Variants in CHN2 observed in about 807,000 individuals in gnomAD.
The protein encoded by CHN2 is beta-chimaerin.
A neutral mutation model predicts 56.3 loss-of-function variants in CHN2; 35 were observed. The ratio of observed to expected loss-of-function variants is 0.62; its 90% CI spans 0.47 to 0.82. The LOEUF (loss-of-function observed/expected upper bound fraction) is 0.82. Among genes scored for constraint, CHN2 ranks in the 40% least tolerant of loss-of-function variants. The probability of loss-of-function intolerance (pLI) is 0.00; values close to 1 mark genes in which losing one functional copy is unlikely to be tolerated. For synonymous variants in CHN2, 210 were observed against 212.8 expected (o/e 0.99, Z 0.12); for missense variants, 491 against 580.5 (o/e 0.85, Z 1.58).
rs1791394929 is a variant in CHN2 at position 29,511,518 on chromosome 7, AG to A, written c.1236-1045del. ...CCAGCCATCTTGTTTAGTCAGGCAT[AG>A]TGCCTGACTTAAGAGGAAACTGTGG... On this transcript the variant is annotated intron_variant, in intron 12 of 12. Transcript: ENST00000222792. Among the ~76,000 whole-genome samples the A allele has an allele frequency of 5.3e-5, 8 of 152,300 alleles. 1 individual carries two copies. In the South Asian group the frequency reaches 1.7e-3, roughly 32 times the overall value.
chr7:29,394,046 T>A (rs1204985997), intron 4 of CHN2, among the ~76,000 whole-genome samples: 1 of 152,122 alleles, frequency 6.6e-6, no homozygotes, highest in Non-Finnish European at 1.5e-5. Context: ...CTCAACACAA[T>A]AGAAACGTTT....
At chr7:29,241,933 A>G (rs1449865031) in intron 1 of CHN2, among the ~76,000 whole-genome samples, 1 of 152,218 alleles carries the variant, frequency 6.6e-6, no homozygotes, top group Non-Finnish European at 1.5e-5. Flanking sequence ...AGAAAGTTTG[A>G]TGTAATCTTC....
chr7:29,428,531 T>C (rs1245726519), intron 6 of CHN2, among the ~76,000 whole-genome samples: 3 of 152,166 alleles, frequency 2.0e-5, no homozygotes, highest in African/African-American at 7.2e-5. Context: ...AAGGCCCTCC[T>C]TTTCCAACTG....
intron 3 of CHN2, among the ~76,000 whole-genome samples, chr7:29,381,296 C>T (rs1474823373): frequency 6.6e-6 from 1 of 152,118 alleles, no homozygotes; most frequent in Non-Finnish European, 1.5e-5. Flanking sequence ...GGACCTGTGG[C>T]TCCAGGATGC....
At chr7:29,397,728 C>T (rs1317327775) in intron 4 of CHN2, 1 of 152,286 alleles carries the variant, frequency 6.6e-6, no homozygotes, top group Non-Finnish European at 1.5e-5. Flanking sequence ...GGCCAGCACA[C>T]AACCCTCCCG....
chr7:29,224,478 G>A (rs1786044729), intron 1 of CHN2, among the ~76,000 whole-genome samples: 1 of 152,096 alleles, frequency 6.6e-6, no homozygotes. Flanking sequence ...ATCCTGCTTG[G>A]TTTAAGGAAA....
intron 2 of CHN2, among the ~76,000 whole-genome samples, chr7:29,181,990 A>G (rs1798113971): frequency 6.6e-6 from 1 of 152,230 alleles, no homozygotes; most frequent in Admixed American, 6.5e-5. Context: ...TAAGCAAAAC[A>G]TCTTAAATAA....
intron 5 of CHN2, 95 bp downstream of exon 5, chr7:29,398,581 C>A (rs533410264): frequency 4.0e-6 from 3 of 751,460 alleles, no homozygotes; most frequent in South Asian, 1.6e-5. Context: ...ATACATAACA[C>A]AAAATTCATC....
At chr7:29,343,599 T>A (rs890166436) in intron 1 of CHN2, among the ~76,000 whole-genome samples, 3 of 152,204 alleles carry the variant, frequency 2.0e-5, no homozygotes, top group Non-Finnish European at 4.4e-5. Context: ...AGCTGCTGCC[T>A]CTGTTAACCA....
chr7:29,321,805 T>C (rs570178253), intron 1 of CHN2, among the ~76,000 whole-genome samples: 5 of 152,112 alleles, frequency 3.3e-5, no homozygotes, highest in Non-Finnish European at 5.9e-5. Context: ...CCTGACCTCA[T>C]GTGATCTGCC....
intron 1 of CHN2, among the ~76,000 whole-genome samples, chr7:29,286,362 A>T (rs1010099268): frequency 6.6e-6 from 1 of 151,998 alleles, no homozygotes; most frequent in African/African-American, 2.4e-5. Flanking sequence ...TATCATAAGA[A>T]ATAGGGTAGG....
chr7:29,495,770 G>A (rs371878467), intron 7 of CHN2, among the ~76,000 whole-genome samples, 182 bp from the exon 8 acceptor site: 2 of 152,286 alleles, frequency 1.3e-5, no homozygotes, highest in African/African-American at 4.8e-5. Context: ...ATGGTGGATC[G>A]ATGAAGGATT....
intron 4 of CHN2, 77 bp from the exon 5 acceptor site, chr7:29,398,296 T>C: frequency 8.9e-7 from 1 of 1,128,942 alleles, no homozygotes; most frequent in Non-Finnish European, 1.3e-6. Flanking sequence ...GCCCCCACCA[T>C]CCTTTTAAGG....
In CHN2 at chr7:29,398,244, A is replaced by AC. The variant is rs536884650; in HGVS notation, c.177-123dup. 1,315 of 653,960 alleles carry AC rather than the reference A, an allele frequency of 2.0e-3. 17 individuals are homozygous for AC. In the African/African-American group the frequency reaches 0.021, roughly 10 times the overall value. The allele number at this position is 653,960 out of a possible 1,614,324, so 40.5% of individuals were successfully genotyped here. ...AAGTCACTTAAGATGGGCAGTAGTC[A>AC]CCCCCCTTCTTCACTCAGTTGTGGG... On this transcript the variant is annotated intron_variant, in intron 4 of 12. Transcript: ENST00000222792.
chr7:29,263,901 C>T (rs906061645), intron 1 of CHN2, among the ~76,000 whole-genome samples: 16 of 149,462 alleles, frequency 1.1e-4, no homozygotes, highest in Admixed American at 4.0e-4. Context: ...GGAGCGTCTC[C>T]GCCCGGCAGC....
chr7:29,420,317 A>G (rs372133001), intron 6 of CHN2, among the ~76,000 whole-genome samples: 4 of 152,368 alleles, frequency 2.6e-5, no homozygotes, highest in South Asian at 4.1e-4. Flanking sequence ...AGAAATTTGT[A>G]TACCCATGTT....
intron 2 of CHN2, among the ~76,000 whole-genome samples, chr7:29,162,927 G>A (rs1352135031): frequency 1.3e-5 from 2 of 152,114 alleles, no homozygotes; most frequent in Non-Finnish European, 2.9e-5. Context: ...GTGATAAAAC[G>A]TTATAGAAAT....
At chr7:29,263,937 G>GC (rs1033870666) in intron 1 of CHN2, among the ~76,000 whole-genome samples, 1 of 150,856 alleles carries the variant, frequency 6.6e-6, no homozygotes, top group African/African-American at 2.4e-5. Flanking sequence ...CTGGGGGGCA[G>GC]CCCCCGCCCG....
At chr7:29,267,347 T>A (rs112008692) in intron 1 of CHN2, among the ~76,000 whole-genome samples, 8,023 of 151,798 alleles carry the variant, frequency 0.053, 708 homozygotes, top group African/African-American at 0.18. Context: ...GGTTCAAGTG[T>A]TTCTCCTACC....
Sources: allele counts gnomAD v4.1 joint callset (sites outside exome capture counted in the v4.1 genomes callset), GRCh38; gene constraint gnomAD v4.1.1; transcripts MANE v1.5; gene names NCBI Gene and HGNC (gene_info 2026-07-23, HGNC 2026-07-21).